Variants in AGO3 observed in about 807,000 individuals in gnomAD.
AGO3 encodes the protein protein argonaute-3.
A neutral mutation model predicts 105.5 loss-of-function variants in AGO3; 16 were observed. The observed-to-expected ratio is 0.15, with a 90% CI of 0.10 to 0.23. The LOEUF (loss-of-function observed/expected upper bound fraction) is 0.23. AGO3 is among the 10% of genes least tolerant of loss of function. AGO3 has a pLI of 1.00. For synonymous variants in AGO3, 340 were observed against 367.3 expected (o/e 0.93, Z 0.85); for missense variants, 534 against 1,088.0 (o/e 0.49, Z 7.16).
At chr1:35,997,758 G>A (rs545763498) in intron 5 of AGO3, among the ~76,000 whole-genome samples, 14 of 152,240 alleles carry the variant, frequency 9.2e-5, no homozygotes, top group African/African-American at 2.4e-4. Flanking sequence ...GTGCAGTGGC[G>A]TGATCTCGGC....
intron 5 of AGO3, among the ~76,000 whole-genome samples, chr1:35,995,207 A>ATATATATAT (rs1224450213): frequency 6.6e-5 from 7 of 106,480 alleles, no homozygotes; most frequent in Non-Finnish European, 1.1e-4. Context: ...TCTAAAAAAA[A>ATATATATAT]AAATATATAT....
chr1:36,031,369 T>C (rs1425623208), intron 12 of AGO3, among the ~76,000 whole-genome samples: 3 of 152,186 alleles, frequency 2.0e-5, no homozygotes, highest in Non-Finnish European at 4.4e-5. Flanking sequence ...ATTTCTGATC[T>C]GTATCATTTT....
intron 5 of AGO3, among the ~76,000 whole-genome samples, chr1:35,998,264 A>G (rs894121428): frequency 3.3e-5 from 5 of 152,182 alleles, no homozygotes; most frequent in African/African-American, 9.7e-5. Flanking sequence ...AGTACAATTT[A>G]TCAATCCAGT....
rs1642918624 is a variant in AGO3 at position 36,056,385 on chromosome 1, C to T, written c.*640C>T. On this transcript the variant is annotated 3_prime_UTR_variant, in exon 19 of 19. Transcript: ENST00000373191. ...CTATTTCCCTTGCCTTCATCACCTA[C>T]ATTTTTTTCCCAGTCCTACCAGTGA... 1 of 152,150 alleles carries T rather than the reference C, an allele frequency of 6.6e-6. No individual in the cohort carries two copies. The highest frequency in any genetic ancestry group is 1.5e-5 in the Non-Finnish European group (1 of 68,030). 9.4% of individuals were successfully genotyped at this position (152,150 alleles called of 1,614,324 possible).
rs148530483 is a variant in AGO3 at position 36,070,594 on chromosome 1, G to T, written c.*14849G>T. 1 of 152,114 alleles carries T rather than the reference G, an allele frequency of 6.6e-6. No homozygotes were observed. Among genetic ancestry groups the T allele is most frequent in the Non-Finnish European group, 1.5e-5 (1 of 68,024 alleles). 9.4% of individuals were successfully genotyped at this position (152,114 alleles called of 1,614,324 possible). A position where few individuals can be genotyped will look rare whatever the true frequency, so the allele number is the denominator to read the frequency against. On this transcript the variant is annotated 3_prime_UTR_variant, in exon 19 of 19. Transcript: ENST00000373191. The stretch of plus-strand genomic sequence containing the variant: ...CATTTTAGGTACACAGGGTATGGAC[G>T]CATTCAACATTTACTTTTATCTCCA...
chr1:36,046,936 A>G (rs1000519607), intron 17 of AGO3, among the ~76,000 whole-genome samples: 6 of 152,080 alleles, frequency 3.9e-5, no homozygotes, highest in African/African-American at 1.2e-4. Context: ...AAATACCAAT[A>G]GACAACTCAA....
At chr1:35,958,652 CAAAAAAA>C (rs11448667) in intron 2 of AGO3, among the ~76,000 whole-genome samples, 1 of 133,036 alleles carries the variant, frequency 7.5e-6, no homozygotes, top group East Asian at 2.0e-4. Flanking sequence ...GACCTTGTCT[CAAAAAAA>C]AAAAAAGAAA....
At chr1:35,985,045 A>C (rs1274736363) in intron 5 of AGO3, among the ~76,000 whole-genome samples, 1 of 152,168 alleles carries the variant, frequency 6.6e-6, no homozygotes, top group Non-Finnish European at 1.5e-5. Context: ...TATTTCCAGC[A>C]CATTGGGAGG....
intron 12 of AGO3, among the ~76,000 whole-genome samples, chr1:36,030,280 T>C (rs1641711185): frequency 6.6e-6 from 1 of 152,074 alleles, no homozygotes; most frequent in Middle Eastern, 3.2e-3. Flanking sequence ...GGTGGGCAGA[T>C]TGCTTGAGTT....
chr1:36,007,324 T>C (rs1344421460), intron 6 of AGO3, among the ~76,000 whole-genome samples: 2 of 152,240 alleles, frequency 1.3e-5, no homozygotes, highest in Non-Finnish European at 2.9e-5. Context: ...GAGTTGCTTA[T>C]CTGTGACCTC....
At chr1:36,040,793 C>T (rs537266817) in intron 16 of AGO3, among the ~76,000 whole-genome samples, 1 of 152,136 alleles carries the variant, frequency 6.6e-6, no homozygotes, top group Non-Finnish European at 1.5e-5. Flanking sequence ...GAAATTCAGG[C>T]CAGGCACAGT....
intron 9 of AGO3, 73 bp from the exon 10 acceptor site, chr1:36,013,554 AAAG>A (rs1213481940): frequency 6.4e-7 from 1 of 1,562,448 alleles, no homozygotes; most frequent in African/African-American, 1.4e-5. Flanking sequence ...TGAAGAAAAA[AAAG>A]AGGGTTCTAA....
chr1:35,943,667 G>A (rs981566422), intron 1 of AGO3, among the ~76,000 whole-genome samples: 1 of 143,986 alleles, frequency 6.9e-6, no homozygotes, highest in African/African-American at 2.6e-5. Flanking sequence ...GCAGTGGCAT[G>A]ATCTCGGCTC....
At chr1:36,025,952 C>A (rs1218945331) in intron 11 of AGO3, among the ~76,000 whole-genome samples, 1 of 151,720 alleles carries the variant, frequency 6.6e-6, no homozygotes, top group Non-Finnish European at 1.5e-5. Context: ...GTGGGAAGAT[C>A]ATTTGAGCCT....
chr1:35,942,618 A>G (rs1236671171), intron 1 of AGO3, among the ~76,000 whole-genome samples: 1 of 152,128 alleles, frequency 6.6e-6, no homozygotes, highest in Non-Finnish European at 1.5e-5. Flanking sequence ...GTTTATTCAG[A>G]TAATAGTTTA....
Position 35,993,296 on chromosome 1 carries a change from T to C in AGO3, c.659-11045T>C, listed in dbSNP as rs139026954. On this transcript the variant is annotated intron_variant, in intron 5 of 18. Coordinates refer to ENST00000373191, the MANE Select transcript of AGO3 (RefSeq NM_024852.4). ...AAATAATAAAGATTAGAGCAAAATTTAATTAAAAAACTGTACAGAATATCA... is the reference window on the plus strand; with the variant it reads ...AAATAATAAAGATTAGAGCAAAATTCAATTAAAAAACTGTACAGAATATCA... Among the ~76,000 whole-genome samples, 3 of 152,134 alleles carry C rather than the reference T, an allele frequency of 2.0e-5. No homozygotes were observed. In the East Asian group the frequency reaches 5.8e-4, roughly 29 times the overall value.
At chr1:35,994,739 A>G (rs1207858503) in intron 5 of AGO3, among the ~76,000 whole-genome samples, 2 of 152,244 alleles carry the variant, frequency 1.3e-5, no homozygotes, top group African/African-American at 4.8e-5. Context: ...TTGAAATGAA[A>G]AAAAATTTAA....
At chr1:36,045,172 A>T (rs539999903) in intron 17 of AGO3, among the ~76,000 whole-genome samples, 1 of 152,278 alleles carries the variant, frequency 6.6e-6, no homozygotes, top group East Asian at 1.9e-4. Context: ...GCTGACTAGA[A>T]GCCCCTAGTG....
At chr1:35,953,145 C>G (rs1378127915) in intron 2 of AGO3, among the ~76,000 whole-genome samples, 1 of 152,076 alleles carries the variant, frequency 6.6e-6, no homozygotes, top group East Asian at 1.9e-4. Context: ...AGTGGCTGCA[C>G]CAGCCAGACA....
Sources: gnomAD v4.1 joint callset for allele counts (sites outside exome capture counted in the v4.1 genomes callset) on GRCh38, gnomAD v4.1.1 for gene constraint, MANE v1.5 for transcripts, NCBI Gene and HGNC (gene_info 2026-07-23, HGNC 2026-07-21) for gene names.